Variants in CCDC91 observed in about 807,000 individuals in gnomAD.
CCDC91 encodes the protein coiled-coil domain-containing protein 91.
A neutral mutation model predicts 63.2 loss-of-function variants in CCDC91; 48 were observed. That is an observed-to-expected ratio of 0.76 (90% CI 0.60 to 0.97). The LOEUF (loss-of-function observed/expected upper bound fraction) is 0.97, where lower values mean the gene tolerates loss of function less well. CCDC91 is among the 50% of genes least tolerant of loss of function. CCDC91 has a pLI of 0.00. For missense variants in CCDC91, 500 were observed against 494.6 expected (o/e 1.01, Z -0.10); for synonymous variants, 167 against 165.8 (o/e 1.01, Z -0.06).
At chr12:28,426,554 T>C (rs1948327838) in intron 8 of CCDC91, among the ~76,000 whole-genome samples, 1 of 152,170 alleles carries the variant, frequency 6.6e-6, no homozygotes, top group African/African-American at 2.4e-5. Flanking sequence ...AAGTTTTTAT[T>C]GATCTATGTT....
Position 28,206,604 on chromosome 12 carries a change from C to T in CCDC91, c.-15+15963C>T, listed in dbSNP as rs535875361. Among the ~76,000 whole-genome samples the T allele has an allele frequency of 3.3e-5, 5 of 152,300 alleles. No homozygotes were observed. In the South Asian group the frequency reaches 1.0e-3, roughly 32 times the overall value. ...GAGAATGAGCTAGATAAAGAGTCTA[C>T]TCACTTAACTAAGTAGTTTTTTCAT... On this transcript the variant is annotated intron_variant, in intron 1 of 12. Transcript: ENST00000536442.
At chr12:28,392,068 G>T (rs1945982758) in intron 8 of CCDC91, among the ~76,000 whole-genome samples, 1 of 152,104 alleles carries the variant, frequency 6.6e-6, no homozygotes, top group Non-Finnish European at 1.5e-5. Flanking sequence ...ATTAGGAGTA[G>T]AATTTAAATG....
intron 8 of CCDC91, among the ~76,000 whole-genome samples, chr12:28,393,379 ATT>A (rs556210228): frequency 4.2e-5 from 6 of 141,210 alleles, no homozygotes; most frequent in Admixed American, 7.0e-5. Flanking sequence ...TCTTTTTGAA[ATT>A]TTTTTTTTTT....
chr12:28,527,762 A>G (rs538434170), intron 12 of CCDC91, among the ~76,000 whole-genome samples: 15 of 152,284 alleles, frequency 9.9e-5, no homozygotes, highest in African/African-American at 3.6e-4. Context: ...CTACTTGGGC[A>G]GGTCTTGCTG....
chr12:28,272,442 A>C (rs903695190), intron 3 of CCDC91, among the ~76,000 whole-genome samples: 4 of 149,714 alleles, frequency 2.7e-5, no homozygotes, highest in African/African-American at 9.8e-5. Context: ...AAAAAAAATT[A>C]AAAAACTCTC....
intron 8 of CCDC91, among the ~76,000 whole-genome samples, chr12:28,444,674 A>G (rs1236898284): frequency 6.6e-6 from 1 of 152,168 alleles, no homozygotes; most frequent in Non-Finnish European, 1.5e-5. Flanking sequence ...ACTGGGGTCT[A>G]CTTGAGAGTG....
At chr12:28,311,825 AC>A (rs1055263359) in intron 6 of CCDC91, among the ~76,000 whole-genome samples, 1 of 151,620 alleles carries the variant, frequency 6.6e-6, no homozygotes, top group African/African-American at 2.4e-5. Context: ...CAGAGGATTG[AC>A]TTTTATTGGG....
At chr12:28,239,970 T>C (rs1945231285) in intron 1 of CCDC91, among the ~76,000 whole-genome samples, 1 of 152,156 alleles carries the variant, frequency 6.6e-6, no homozygotes, top group Non-Finnish European at 1.5e-5. Flanking sequence ...AAATTTAATA[T>C]CCAGCTCTTG....
At chr12:28,247,333 A>G (rs1254315868) in intron 1 of CCDC91, among the ~76,000 whole-genome samples, 1 of 152,100 alleles carries the variant, frequency 6.6e-6, no homozygotes, top group East Asian at 1.9e-4. Context: ...ACAAAAAATT[A>G]GCTGGGCATG....
intron 1 of CCDC91, among the ~76,000 whole-genome samples, chr12:28,193,283 C>T (rs113181542): frequency 0.015 from 2,342 of 152,088 alleles, 39 homozygotes; most frequent in South Asian, 0.09. Flanking sequence ...ATTCTTGGGC[C>T]GTGTGCAAGT....
At chr12:28,439,772 A>G (rs1723251567) in intron 8 of CCDC91, among the ~76,000 whole-genome samples, 1 of 149,334 alleles carries the variant, frequency 6.7e-6, no homozygotes, top group Non-Finnish European at 1.5e-5. Context: ...TAAAAACCAC[A>G]GAACCTCTAT....
intron 12 of CCDC91, among the ~76,000 whole-genome samples, chr12:28,497,076 GAAT>G (rs1952341035): frequency 6.6e-6 from 1 of 150,426 alleles, no homozygotes; most frequent in African/African-American, 2.4e-5. Context: ...TTTTTTCATA[GAAT>G]GATGGCCACC....
chr12:28,337,039 T>C (rs1942036921), intron 6 of CCDC91, among the ~76,000 whole-genome samples: 1 of 152,170 alleles, frequency 6.6e-6, no homozygotes, highest in South Asian at 2.1e-4. Flanking sequence ...ATGCTTTTCC[T>C]GCATCATTGT....
intron 11 of CCDC91, among the ~76,000 whole-genome samples, chr12:28,481,235 C>T (rs531355818): frequency 6.6e-6 from 1 of 152,044 alleles, no homozygotes; most frequent in South Asian, 2.1e-4. Context: ...GAGTACCTTT[C>T]ATTCCAAACT....
intron 8 of CCDC91, among the ~76,000 whole-genome samples, chr12:28,445,645 A>C (rs1949460463): frequency 6.6e-6 from 1 of 152,196 alleles, no homozygotes; most frequent in South Asian, 2.1e-4. Flanking sequence ...CAGTCAGCTC[A>C]GGCTGCCATT....
chr12:28,234,895 A>G (rs1234315644), intron 1 of CCDC91, among the ~76,000 whole-genome samples: 1 of 152,174 alleles, frequency 6.6e-6, no homozygotes, highest in East Asian at 1.9e-4. Context: ...CTGTTTAACA[A>G]GCTACCCCAA....
chr12:28,515,029 A>T (rs1401518337), intron 12 of CCDC91, among the ~76,000 whole-genome samples: 1 of 151,830 alleles, frequency 6.6e-6, no homozygotes, highest in African/African-American at 2.4e-5. Flanking sequence ...AAAAAAAGAA[A>T]GTGGTGAAAA....
chr12:28,341,937 C>T (rs548988812), intron 6 of CCDC91, among the ~76,000 whole-genome samples: 61 of 152,202 alleles, frequency 4.0e-4, no homozygotes, highest in African/African-American at 1.4e-3. Context: ...TTAAGATGTC[C>T]ACCTCCTAAA....
intron 8 of CCDC91, among the ~76,000 whole-genome samples, chr12:28,411,668 G>C (rs1189575509): frequency 6.6e-6 from 1 of 152,018 alleles, no homozygotes; most frequent in African/African-American, 2.4e-5. Flanking sequence ...GGTGAACGAT[G>C]GACTGTATAT....
Sources: gnomAD v4.1 joint callset for allele counts (sites outside exome capture counted in the v4.1 genomes callset) on GRCh38, gnomAD v4.1.1 for gene constraint, MANE v1.5 for transcripts, NCBI Gene and HGNC (gene_info 2026-07-23, HGNC 2026-07-21) for gene names.